The following RAB31 variants were observed in gnomAD, a reference collection of about 807,000 sequenced individuals.
RAB31 encodes the protein RAB31, member RAS oncogene family.
Under a neutral mutation model 25.6 loss-of-function variants are expected in RAB31, and 21 were observed. That is an observed-to-expected ratio of 0.82 (90% CI 0.58 to 1.18). The LOEUF is 1.18. Ranked by LOEUF, RAB31 falls within the 50% of genes most tolerant of loss-of-function variation. The pLI is 0.00. For missense variants in RAB31, 196 were observed against 250.1 expected, an observed-to-expected ratio of 0.78 and a Z score of 1.46; for synonymous variants, 87 against 84.0, an observed-to-expected ratio of 1.04 and a Z score of -0.20.
In RAB31 at chr18:9,806,102, G is replaced by A. The variant is rs572642004; in HGVS notation, c.202-7918G>A. Among the ~76,000 whole-genome samples the A allele has an allele frequency of 3.3e-5, 5 of 151,998 alleles. No homozygotes were observed. The South Asian group carries it at 8.3e-4, about 25-fold the overall frequency. The stretch of plus-strand genomic sequence containing the variant: ...TGAGGCAGGAGAATGGCGTGAACCC[G>A]GGAGGCGGAGCTTGCAGTGAGCCGA... On this transcript the variant is annotated intron_variant, in intron 3 of 6. Transcript: ENST00000578921.
Position 9,815,282 on chromosome 18 carries a change from G to A in RAB31, c.380+60G>A, listed in dbSNP as rs941552733. 19 of 1,122,580 alleles carry A rather than the reference G, an allele frequency of 1.7e-5. No homozygotes were observed. The Admixed American group carries it at 1.7e-4, about 10-fold the overall frequency. 69.5% of individuals were successfully genotyped at this position (1,122,580 alleles called of 1,614,324 possible). ...TGTCCTCCATCCCTGAGTGTCATCC[G>A]TGTAGATACTGTCCTCCATCCCTGA... On this transcript the variant is annotated intron_variant, in intron 5 of 6. Transcript: ENST00000578921.
intron 6 of RAB31, among the ~76,000 whole-genome samples, chr18:9,856,835 C>T (rs551312426): frequency 1.8e-4 from 28 of 152,312 alleles, no homozygotes; most frequent in African/African-American, 6.5e-4. Context: ...ACTGTCACCC[C>T]TTTCTCTTCA....
chr18:9,820,479 TTGTC>T (rs1354142283), intron 5 of RAB31, among the ~76,000 whole-genome samples: 1 of 152,022 alleles, frequency 6.6e-6, no homozygotes, highest in East Asian at 1.9e-4. Context: ...TAGAATATCT[TTGTC>T]TGGCCTTGGT....
chr18:9,841,565 A>G (rs1004623777), intron 5 of RAB31, among the ~76,000 whole-genome samples: 1 of 147,534 alleles, frequency 6.8e-6, no homozygotes, highest in Non-Finnish European at 1.5e-5. Flanking sequence ...AAAAATCTCA[A>G]TTGGCTTTAT....
intron 5 of RAB31, among the ~76,000 whole-genome samples, chr18:9,821,416 A>T (rs909894043): frequency 3.3e-5 from 5 of 152,082 alleles, no homozygotes; most frequent in Non-Finnish European, 7.4e-5. Flanking sequence ...TTTTGTCTTT[A>T]TCATATTTAT....
intron 1 of RAB31, among the ~76,000 whole-genome samples, chr18:9,726,405 C>T (rs778068143): frequency 1.8e-4 from 28 of 152,128 alleles, no homozygotes; most frequent in Non-Finnish European, 3.4e-4. Context: ...GACTTGGGCA[C>T]GTATTCGCTG....
At chr18:9,784,287 A>G (rs535060097) in intron 2 of RAB31, among the ~76,000 whole-genome samples, 20 of 151,140 alleles carry the variant, frequency 1.3e-4, no homozygotes, top group South Asian at 4.2e-4. Context: ...TGATCCTGCC[A>G]CCTTGGCCTC....
intron 1 of RAB31, among the ~76,000 whole-genome samples, chr18:9,768,728 T>C (rs760624787): frequency 6.6e-6 from 1 of 152,342 alleles, no homozygotes; most frequent in Admixed American, 6.5e-5. Context: ...ACTTTGGCTT[T>C]TGTTGCCATC....
intron 1 of RAB31, among the ~76,000 whole-genome samples, chr18:9,750,763 G>A (rs1303248172): frequency 6.6e-6 from 1 of 152,198 alleles, no homozygotes; most frequent in African/African-American, 2.4e-5. Context: ...AAACCACTAA[G>A]TGAAGAAACA....
intron 5 of RAB31, among the ~76,000 whole-genome samples, chr18:9,827,744 C>T (rs1296271100): frequency 1.3e-5 from 2 of 152,102 alleles, no homozygotes; most frequent in African/African-American, 4.8e-5. Flanking sequence ...GAAATTAGTC[C>T]TATCAGCTCT....
At chr18:9,723,927 A>G (rs1359317000) in intron 1 of RAB31, among the ~76,000 whole-genome samples, 1 of 152,216 alleles carries the variant, frequency 6.6e-6, no homozygotes, top group African/African-American at 2.4e-5. Context: ...TTTCAACACA[A>G]GTTTTGGTGG....
At chr18:9,852,786 A>C (rs1363117485) in intron 6 of RAB31, among the ~76,000 whole-genome samples, 2 of 152,158 alleles carry the variant, frequency 1.3e-5, no homozygotes, top group Non-Finnish European at 2.9e-5. Context: ...TGTGTTTTTA[A>C]CTTTCTAAGA....
At chr18:9,802,533 G>C (rs896901278) in intron 3 of RAB31, among the ~76,000 whole-genome samples, 3 of 152,140 alleles carry the variant, frequency 2.0e-5, no homozygotes, top group African/African-American at 7.2e-5. Context: ...AACTACCTGG[G>C]TGTGGTGGTG....
In RAB31 at chr18:9,832,808, A is replaced by G. The variant is rs114742158; in HGVS notation, c.381-12774A>G. On this transcript the variant is annotated intron_variant, in intron 5 of 6. Transcript: ENST00000578921. The stretch of plus-strand genomic sequence containing the variant: ...AATATCCTGAGGGGGAGATTGGAAA[A>G]GCAGACTTGCAATCCTGGGAAGAAA... Among the ~76,000 whole-genome samples, 1,171 of 152,334 alleles carry G rather than the reference A, an allele frequency of 7.7e-3. 17 individuals carry two copies. The highest frequency in any genetic ancestry group is 0.027 in the African/African-American group (1,115 of 41,580).
chr18:9,796,348 A>G (rs1305454562), intron 3 of RAB31, among the ~76,000 whole-genome samples: 1 of 152,206 alleles, frequency 6.6e-6, no homozygotes, highest in East Asian at 1.9e-4. Flanking sequence ...CTTGTAAGCA[A>G]ACACCACCCA....
chr18:9,746,791 A>G (rs764677047), intron 1 of RAB31, among the ~76,000 whole-genome samples: 6 of 152,228 alleles, frequency 3.9e-5, no homozygotes, highest in Non-Finnish European at 8.8e-5. Flanking sequence ...AATGACCTAA[A>G]TATAGGAGCT....
At chr18:9,828,322 G>T (rs1599056822) in intron 5 of RAB31, among the ~76,000 whole-genome samples, 1 of 152,188 alleles carries the variant, frequency 6.6e-6, no homozygotes, top group African/African-American at 2.4e-5. Flanking sequence ...GTTTTCTTCT[G>T]AGCCTGTTGT....
chr18:9,858,626 A>G (rs2068831074), intron 6 of RAB31, among the ~76,000 whole-genome samples: 1 of 152,214 alleles, frequency 6.6e-6, no homozygotes, highest in South Asian at 2.1e-4. Flanking sequence ...AGTAAAAATA[A>G]GATTACTTGT....
At chr18:9,745,847 T>C (rs1217361868) in intron 1 of RAB31, among the ~76,000 whole-genome samples, 1 of 152,212 alleles carries the variant, frequency 6.6e-6, no homozygotes, top group African/African-American at 2.4e-5. Context: ...TTGAAAGCGT[T>C]TCCTCAAAGA....
Sources: gnomAD v4.1 joint callset for allele counts (sites outside exome capture counted in the v4.1 genomes callset) on GRCh38, gnomAD v4.1.1 for gene constraint, MANE v1.5 for transcripts, NCBI Gene and HGNC (gene_info 2026-07-23, HGNC 2026-07-21) for gene names.